TMEM14C: variants seen among roughly 807,000 people sequenced by gnomAD.
The protein encoded by TMEM14C is chromosome 6 open reading frame 53.
TMEM14C carries 13 observed loss-of-function variants against 14.8 expected under a neutral mutation model. That is an observed-to-expected ratio of 0.88 (90% CI 0.57 to 1.40). The LOEUF is 1.40. Among genes scored for constraint, TMEM14C ranks in the 40% most tolerant of loss-of-function variants. The pLI, the probability that TMEM14C is intolerant of heterozygous loss-of-function variation, is 0.00. For synonymous variants in TMEM14C, 57 were observed against 51.3 expected, an observed-to-expected ratio of 1.11 and a Z score of -0.48; for missense variants, 142 against 138.8, an observed-to-expected ratio of 1.02 and a Z score of -0.12.
At position 10,724,635 on chromosome 6, in the gene TMEM14C, T is replaced by C; in HGVS notation, c.20+2T>C. 7 of 1,612,012 alleles carry C rather than the reference T, an allele frequency of 4.3e-6. No homozygotes were observed. Among genetic ancestry groups the C allele is most frequent in the Non-Finnish European group, 5.1e-6 (6 of 1,178,914 alleles). ...AAAAATGCAGGACACTGGCTCAGTG[T>C]GAGTGCAGTAAATGGGTATGGAGTA... On this transcript the variant is annotated splice_donor_variant, in intron 2 of 5. Transcript: ENST00000229563. LOFTEE classifies it high-confidence loss of function.
intron 5 of TMEM14C, among the ~76,000 whole-genome samples, chr6:10,729,229 G>A (rs746268410): frequency 5.3e-5 from 8 of 152,122 alleles, no homozygotes; most frequent in African/African-American, 1.9e-4. Context: ...TCTGCCTCCC[G>A]GGTTCAAGCG....
In TMEM14C at chr6:10,723,157, C is replaced by G. The variant is rs1770733221; in HGVS notation, c.-129C>G. On this transcript the variant is annotated 5_prime_UTR_variant, in exon 1 of 6. Transcript: ENST00000229563. ...CGCCCCGCCACCGGGACGGAGAGCG[C>G]CCGCCGCTGCATTTCCGGCGACACC... 1 of 152,358 alleles carries G rather than the reference C, an allele frequency of 6.6e-6. No individual in the cohort carries two copies. Among genetic ancestry groups the G allele is most frequent in the Non-Finnish European group, 1.5e-5 (1 of 68,136 alleles). 9.4% of individuals were successfully genotyped at this position (152,358 alleles called of 1,614,324 possible). A position where few individuals can be genotyped will look rare whatever the true frequency, so the allele number is the denominator to read the frequency against.
At position 10,728,720 on chromosome 6, in the gene TMEM14C, G is replaced by C. The variant is rs1340711496; in HGVS notation, c.280G>C (p.Gly94Arg). ...ATTCATGCCTGCAGGTTTAATTGCA[G>C]GTGCCAGGTACTTTCATTCTATTAC... ...GKFMPAGLIA[G>R]ASLLMVAKVG... The change falls in exon 5 of 6, where the codon GGT (glycine) becomes CGT (arginine). Residue 94 changes from glycine to arginine, a missense_variant. Coordinates refer to ENST00000229563, the MANE Select transcript of TMEM14C (RefSeq NM_016462.4). 1 of 1,614,192 alleles carries C rather than the reference G, an allele frequency of 6.2e-7. No homozygotes were observed. Among genetic ancestry groups the C allele is most frequent in the South Asian group, 1.1e-5 (1 of 91,078 alleles).
chr6:10,728,759 G>A, intron 5 of TMEM14C, 32 bp downstream of exon 5: 1 of 1,613,888 alleles, frequency 6.2e-7, no homozygotes, highest in Non-Finnish European at 8.5e-7. Context: ...TCTTTACCAT[G>A]TAGAGTTCAG....
intron 3 of TMEM14C, among the ~76,000 whole-genome samples, chr6:10,725,499 C>T (rs991888138): frequency 2.6e-5 from 4 of 152,148 alleles, no homozygotes; most frequent in Non-Finnish European, 4.4e-5. Context: ...AATTCTTCTT[C>T]TCCAGGTCTT....
intron 1 of TMEM14C, among the ~76,000 whole-genome samples, chr6:10,723,613 T>A (rs1424189291): frequency 6.7e-6 from 1 of 148,496 alleles, no homozygotes; most frequent in African/African-American, 2.5e-5. Flanking sequence ...TTTTTTTTTG[T>A]CCTTGAGGGA....
At chr6:10,728,357 T>G (rs1338471544) in intron 4 of TMEM14C, among the ~76,000 whole-genome samples, 4 of 152,076 alleles carry the variant, frequency 2.6e-5, no homozygotes, top group African/African-American at 9.7e-5. Flanking sequence ...TGGAGAAAAC[T>G]AACATATTGA....
rs902239375 is a variant in TMEM14C at position 10,724,777 on chromosome 6, G to C, written c.20+144G>C. The C allele has an allele frequency of 3.0e-5, 40 of 1,312,238 alleles. 1 individual carries two copies. Among genetic ancestry groups the C allele is most frequent in the Non-Finnish European group, 4.2e-5 (39 of 922,942 alleles). The allele number at this position is 1,312,238 out of a possible 1,614,324, so 81.3% of individuals were successfully genotyped here. A position where few individuals can be genotyped will look rare whatever the true frequency, so the allele number is the denominator to read the frequency against. ...CACTGGACCTGTGGGCCAGAAACTT[G>C]GGTTTGAGTCCCAGCTCTGGCTTTG... On this transcript the variant is annotated intron_variant, in intron 2 of 5. Transcript: ENST00000229563.
chr6:10,728,503 T>C, intron 4 of TMEM14C, 137 bp from the exon 5 acceptor site: 1 of 920,240 alleles, frequency 1.1e-6, no homozygotes, highest in South Asian at 1.7e-5. Context: ...GTCAGTAGTC[T>C]CCCCGACTTG....
Position 10,725,992 on chromosome 6 carries a change from C to T in TMEM14C, c.183C>T (p.Asn61=), listed in dbSNP as rs372487994. The change falls in exon 4 of 6, where the codon AAC becomes AAT. Residue 61 remains asparagine, a synonymous_variant. Transcript: ENST00000229563. ...GAYQLSQDPR[N]VWVFLATSGT... Reference sequence around the variant, plus strand: ...ACCAGCTGTCTCAGGATCCAAGGAACGTTTGGGTTTTCCTAGGTATGTCTG... The same window carrying T: ...ACCAGCTGTCTCAGGATCCAAGGAATGTTTGGGTTTTCCTAGGTATGTCTG... 2.5e-6 allele frequency: 4 copies of T among 1,614,068 alleles called. No homozygotes were observed. Among genetic ancestry groups the T allele is most frequent in the South Asian group, 2.2e-5 (2 of 91,086 alleles).
intron 4 of TMEM14C, among the ~76,000 whole-genome samples, chr6:10,726,765 G>A (rs1391207214): frequency 6.6e-6 from 1 of 152,226 alleles, no homozygotes. Context: ...TGAGTGGTGT[G>A]GGGGACCGAA....
chr6:10,724,506 A>G lies in TMEM14C; in HGVS notation c.-44-64A>G, dbSNP rs572622341. ...GTTGCGTAGCTTGCAGGTTGGACAC[A>G]CTTCTTTCTGACTGCTGGAGAGCTG... On this transcript the variant is annotated intron_variant, in intron 1 of 5. Coordinates refer to ENST00000229563, the MANE Select transcript of TMEM14C (RefSeq NM_016462.4). The G allele has an allele frequency of 2.0e-4, 229 of 1,152,182 alleles. 1 individual carries two copies. In the African/African-American group the frequency reaches 3.0e-3, roughly 15 times the overall value. The allele number at this position is 1,152,182 out of a possible 1,614,324, so 71.4% of individuals were successfully genotyped here. A position where few individuals can be genotyped will look rare whatever the true frequency, so the allele number is the denominator to read the frequency against.
chr6:10,728,428 A>G (rs1428840380), intron 4 of TMEM14C, among the ~76,000 whole-genome samples: 2 of 152,220 alleles, frequency 1.3e-5, no homozygotes, highest in East Asian at 1.9e-4. Context: ...AAGGGCAGGC[A>G]GGACCCAGGC....
At chr6:10,730,418 CAT>C (rs771851931) in intron 5 of TMEM14C, among the ~76,000 whole-genome samples, 195 bp from the exon 6 acceptor site, 1 of 152,150 alleles carries the variant, frequency 6.6e-6, no homozygotes, top group Non-Finnish European at 1.5e-5. Context: ...GGATCCAGCT[CAT>C]GTGTGCTATT....
At position 10,724,608 on chromosome 6, in the gene TMEM14C, A is replaced by G. The variant is rs200829025; in HGVS notation, c.-6A>G. 292 of 1,612,668 alleles carry G rather than the reference A, an allele frequency of 1.8e-4. No homozygotes were observed. The highest frequency in any genetic ancestry group is 2.3e-4 in the Non-Finnish European group (267 of 1,179,324). Reference sequence around the variant, plus strand: ...GTAGTCTCCTGTCTGGACAGAGAAGAGAAAAATGCAGGACACTGGCTCAGT... The same window carrying G: ...GTAGTCTCCTGTCTGGACAGAGAAGGGAAAAATGCAGGACACTGGCTCAGT... On this transcript the variant is annotated 5_prime_UTR_variant, in exon 2 of 6. Coordinates refer to ENST00000229563, the MANE Select transcript of TMEM14C (RefSeq NM_016462.4).
intron 3 of TMEM14C, 66 bp downstream of exon 3, chr6:10,725,103 G>T: frequency 6.3e-7 from 1 of 1,586,496 alleles, no homozygotes; most frequent in Non-Finnish European, 8.6e-7. Flanking sequence ...GTGAATGCCC[G>T]TGTCCCTGAG....
chr6:10,726,093 G>T, intron 4 of TMEM14C, 85 bp downstream of exon 4: 1 of 1,478,328 alleles, frequency 6.8e-7, no homozygotes, highest in Non-Finnish European at 9.4e-7. Context: ...GGGATGGGGT[G>T]AGTTCTTCAC....
At position 10,725,957 on chromosome 6, in the gene TMEM14C, C is replaced by G. The variant is rs1282647547; in HGVS notation, c.148C>G (p.Leu50Val). The change falls in exon 4 of 6, where the codon CTG (leucine) becomes GTG (valine). Residue 50 changes from leucine (L) to valine (V), a missense_variant. Transcript: ENST00000229563. ...GCTGCTCTTTGGCAGTCTAGCCGGC[C>G]TGGGTGCTTACCAGCTGTCTCAGGA... ...AGLLFGSLAG[L>V]GAYQLSQDPR... 4.3e-6 allele frequency: 7 copies of G among 1,614,126 alleles called. No individual in the cohort carries two copies. In the South Asian group the frequency reaches 6.6e-5, roughly 15 times the overall value.
chr6:10,726,961 G>C (rs1273994430), intron 4 of TMEM14C, among the ~76,000 whole-genome samples: 2 of 152,132 alleles, frequency 1.3e-5, no homozygotes, highest in Non-Finnish European at 2.9e-5. Context: ...GGTCCGTGAT[G>C]GCTAATGGGG....
Sources: gnomAD v4.1 joint callset for allele counts (sites outside exome capture counted in the v4.1 genomes callset) on GRCh38, gnomAD v4.1.1 for gene constraint, MANE v1.5 for transcripts, NCBI Gene and HGNC (gene_info 2026-07-23, HGNC 2026-07-21) for gene names.